Variants in PUM3 observed in about 807,000 individuals in gnomAD.
PUM3 encodes the protein pumilio RNA binding family member 3.
Under a neutral mutation model 84.0 loss-of-function variants are expected in PUM3, and 91 were observed. That is an observed-to-expected ratio of 1.08 (90% CI 0.91 to 1.29). The LOEUF (loss-of-function observed/expected upper bound fraction) is 1.29. Ranked by LOEUF, PUM3 falls within the 50% of genes most tolerant of loss-of-function variation. The probability of loss-of-function intolerance (pLI) is 0.00; values close to 1 mark genes in which losing one functional copy is unlikely to be tolerated. For missense variants in PUM3, 1,067 were observed against 767.5 expected, an observed-to-expected ratio of 1.39 and a Z score of -4.61; for synonymous variants, 321 against 266.7, an observed-to-expected ratio of 1.20 and a Z score of -1.98.
chr9:2,843,578 T>G (rs1816324487), intron 1 of PUM3, among the ~76,000 whole-genome samples: 1 of 140,898 alleles, frequency 7.1e-6, no homozygotes, highest in Non-Finnish European at 1.5e-5. Flanking sequence ...CCCTTCTTTT[T>G]TTTTTTTTTT....
intron 3 of PUM3, 114 bp downstream of exon 3, chr9:2,837,066 G>A (rs775268761): frequency 5.8e-6 from 5 of 857,822 alleles, no homozygotes; most frequent in Non-Finnish European, 9.4e-6. Flanking sequence ...CCACCTACCT[G>A]TCCCAAAATG....
At chr9:2,833,910 G>T (rs749283017) in intron 4 of PUM3, 121 bp downstream of exon 4, 3 of 951,086 alleles carry the variant, frequency 3.2e-6, no homozygotes, top group East Asian at 2.4e-5. Flanking sequence ...GGTGTCATGA[G>T]GACCCCCTCA....
Position 2,837,329 on chromosome 9 carries a change from T to G in PUM3, c.155A>C (p.Asn52Thr). 6.2e-7 allele frequency: 1 copy of G among 1,614,094 alleles called. No homozygotes were observed. Among genetic ancestry groups the G allele is most frequent in the Non-Finnish European group, 8.5e-7 (1 of 1,179,936 alleles). ...KEGGPKVTSRNFEKSITKLGK... is the reference protein window; with the variant it reads ...KEGGPKVTSRTFEKSITKLGK... ...AAGTTTTGTGATACTTTTCTCAAAG[T>G]TCCTAGATGTGACTTTAGGTCCACC... Residue 52 changes from asparagine to threonine, a missense_variant, in exon 3 of 18, where the codon AAC becomes ACC. Coordinates refer to ENST00000397885, the MANE Select transcript of PUM3 (RefSeq NM_014878.5).
intron 10 of PUM3, among the ~76,000 whole-genome samples, chr9:2,825,313 A>G (rs1016966582): frequency 8.5e-5 from 13 of 152,318 alleles, no homozygotes; most frequent in African/African-American, 3.1e-4. Context: ...ATTCTTTACC[A>G]TAAACACGCT....
intron 5 of PUM3, among the ~76,000 whole-genome samples, chr9:2,831,786 T>C (rs919649071): frequency 8.5e-5 from 13 of 152,190 alleles, no homozygotes; most frequent in African/African-American, 2.9e-4. Context: ...ACCTGTAAGA[T>C]CAATCTAAAA....
chr9:2,813,265 T>C (rs374650858), intron 13 of PUM3, among the ~76,000 whole-genome samples: 1 of 152,212 alleles, frequency 6.6e-6, no homozygotes, highest in East Asian at 1.9e-4. Flanking sequence ...TTTTCAAAGA[T>C]AGAAAAGTCA....
chr9:2,840,051 C>T (rs940447407), intron 1 of PUM3, among the ~76,000 whole-genome samples: 1 of 152,124 alleles, frequency 6.6e-6, no homozygotes, highest in Admixed American at 6.5e-5. Context: ...GTAGAATATT[C>T]CTCATTTGGG....
chr9:2,828,010 A>T (rs1815869989), intron 9 of PUM3, among the ~76,000 whole-genome samples: 1 of 152,136 alleles, frequency 6.6e-6, no homozygotes, highest in South Asian at 2.1e-4. Context: ...GCACATGCAC[A>T]GGCTTCCAAG....
chr9:2,831,206 G>C, intron 6 of PUM3, 45 bp downstream of exon 6: 1 of 1,334,190 alleles, frequency 7.5e-7, no homozygotes, highest in Non-Finnish European at 1.1e-6. Context: ...GAAAACAAGT[G>C]ACTTATTGCA....
intron 17 of PUM3, among the ~76,000 whole-genome samples, chr9:2,806,560 CAGGGGAAAAA>C (rs2129778662): frequency 6.6e-6 from 1 of 152,260 alleles, no homozygotes; most frequent in East Asian, 1.9e-4. Flanking sequence ...AATAACACAG[CAGGGGAAAAA>C]TCAACAGTAA....
At chr9:2,841,171 C>A (rs935821384) in intron 1 of PUM3, among the ~76,000 whole-genome samples, 9 of 152,204 alleles carry the variant, frequency 5.9e-5, no homozygotes, top group Admixed American at 3.3e-4. Flanking sequence ...CATATTCCAC[C>A]CTACTATACA....
intron 13 of PUM3, among the ~76,000 whole-genome samples, chr9:2,816,313 G>T (rs942141240): frequency 1.1e-4 from 17 of 152,246 alleles, no homozygotes; most frequent in Non-Finnish European, 1.5e-4. Context: ...CAAGTATTTT[G>T]TTCTGAAAAC....
At chr9:2,816,912 T>C (rs1004997849) in intron 13 of PUM3, among the ~76,000 whole-genome samples, 5 of 152,228 alleles carry the variant, frequency 3.3e-5, no homozygotes, top group Admixed American at 1.3e-4. Context: ...TTTTGGGAAA[T>C]CTAGTTACTC....
At chr9:2,807,474 G>A (rs1280629402) in intron 17 of PUM3, among the ~76,000 whole-genome samples, 1 of 151,268 alleles carries the variant, frequency 6.6e-6, no homozygotes, top group African/African-American at 2.4e-5. Context: ...GTGGTGGCAT[G>A]CGTCTGTAGT....
At chr9:2,807,072 G>A (rs964421688) in intron 17 of PUM3, among the ~76,000 whole-genome samples, 1 of 152,114 alleles carries the variant, frequency 6.6e-6, no homozygotes, top group African/African-American at 2.4e-5. Flanking sequence ...GCTGGGCGTG[G>A]TGGCGGGCAC....
chr9:2,820,178 T>C, intron 12 of PUM3, 80 bp from the exon 13 acceptor site: 2 of 612,914 alleles, frequency 3.3e-6, no homozygotes, highest in Non-Finnish European at 5.6e-6. Flanking sequence ...AATATCTTCA[T>C]AAAGGTAGAG....
intron 13 of PUM3, among the ~76,000 whole-genome samples, chr9:2,813,336 A>G (rs911044966): frequency 1.3e-5 from 2 of 152,214 alleles, no homozygotes; most frequent in African/African-American, 4.8e-5. Context: ...AAGAGTCATC[A>G]ATTTATTTCC....
At chr9:2,833,897 T>C (rs1480677988) in intron 4 of PUM3, 134 bp downstream of exon 4, 5 of 777,382 alleles carry the variant, frequency 6.4e-6, no homozygotes, top group East Asian at 5.0e-5. Context: ...ATGTCTCTAA[T>C]GGGGTGTCAT....
At position 2,810,376 on chromosome 9, in the gene PUM3, T is replaced by C. The variant is rs1821340563; in HGVS notation, c.1691A>G (p.Gln564Arg). 1 of 1,612,230 alleles carries C rather than the reference T, an allele frequency of 6.2e-7. No individual in the cohort carries two copies. ...GHLVLKWLIEQDKKMKENGRE... is the reference protein window; with the variant it reads ...GHLVLKWLIERDKKMKENGRE... ...CCCATTTTCTTTCATCTTTTTATCTTGCTCTATTAACCACTTCAGAACTAG... is the reference window on the plus strand; with the variant it reads ...CCCATTTTCTTTCATCTTTTTATCTCGCTCTATTAACCACTTCAGAACTAG... Residue 564 changes from glutamine to arginine, a missense_variant, in exon 16 of 18, where the codon CAA becomes CGA. Coordinates refer to ENST00000397885, the MANE Select transcript of PUM3 (RefSeq NM_014878.5).
Sources: allele counts gnomAD v4.1 joint callset (sites outside exome capture counted in the v4.1 genomes callset), GRCh38; gene constraint gnomAD v4.1.1; transcripts MANE v1.5; gene names NCBI Gene and HGNC (gene_info 2026-07-23, HGNC 2026-07-21).